ZMYM2: variants seen among roughly 807,000 people sequenced by gnomAD.
The protein encoded by ZMYM2 is zinc finger MYM-type containing 2.
In ZMYM2, 56 loss-of-function variants were observed where a neutral mutation model predicts 162.8. That is an observed-to-expected ratio of 0.34 (90% CI 0.28 to 0.43). The LOEUF is 0.43. ZMYM2 is among the 20% of genes least tolerant of loss of function. ZMYM2 has a pLI of 1.00. For missense variants in ZMYM2, 1,275 were observed against 1,621.8 expected (o/e 0.79, Z 3.67); for synonymous variants, 510 against 541.6 (o/e 0.94, Z 0.81).
chr13:19,891,813 G>A, the ZMYM2 span, among the ~76,000 whole-genome samples: 1 of 151,722 alleles, frequency 6.6e-6, no homozygotes, highest in South Asian at 2.1e-4. Flanking sequence ...TAACCCTAAG[G>A]TTATGATTTT....
intron 2 of ZMYM2, among the ~76,000 whole-genome samples, chr13:19,969,734 G>A (rs998371386): frequency 2.0e-5 from 3 of 151,670 alleles, no homozygotes; most frequent in African/African-American, 7.3e-5. Context: ...TGAATTGTAA[G>A]TGATAAGATT....
chr13:19,902,620 AAAAC>A, the ZMYM2 span, among the ~76,000 whole-genome samples: 78 of 152,286 alleles, frequency 5.1e-4, no homozygotes, highest in Non-Finnish European at 6.9e-4. Flanking sequence ...CTGTCTCAAA[AAAAC>A]AAACAAACAA....
At chr13:19,949,659 C>A in the ZMYM2 span, among the ~76,000 whole-genome samples, 1 of 151,578 alleles carries the variant, frequency 6.6e-6, no homozygotes, top group Admixed American at 6.6e-5. Flanking sequence ...GAGGCCAAGA[C>A]GGGCAGATCA....
chr13:19,964,392 AT>A (rs1175635641), intron 2 of ZMYM2, among the ~76,000 whole-genome samples: 1 of 151,974 alleles, frequency 6.6e-6, no homozygotes, highest in Non-Finnish European at 1.5e-5. Context: ...AAAAAAAAAA[AT>A]AAAGTGATTA....
chr13:19,886,162 C>CT, the ZMYM2 span, among the ~76,000 whole-genome samples: 68,990 of 98,452 alleles, frequency 0.7, 25,323 homozygotes, highest in South Asian at 0.85. Context: ...TTCTTTCTTT[C>CT]TTTTTTTTTT....
chr13:20,005,024 A>G lies in ZMYM2; in HGVS notation c.1134-50A>G, dbSNP rs761182647. The G allele has an allele frequency of 4.0e-6, 6 of 1,483,008 alleles. No individual in the cohort carries two copies. The South Asian group carries it at 7.4e-5, about 18-fold the overall frequency. 91.9% of individuals were successfully genotyped at this position (1,483,008 alleles called of 1,614,324 possible). The stretch of plus-strand genomic sequence containing the variant: ...GAAAAATGTCACTTATGACTCTTAT[A>G]TTTGATTTCTTTTAAAATGGAATTT... On this transcript the variant is annotated intron_variant, in intron 4 of 24. Coordinates refer to ENST00000610343, the MANE Select transcript of ZMYM2 (RefSeq NM_197968.4).
the ZMYM2 span, among the ~76,000 whole-genome samples, chr13:19,870,671 G>A: frequency 6.6e-6 from 1 of 151,258 alleles, no homozygotes; most frequent in Middle Eastern, 3.2e-3. Context: ...GTGGCACAGT[G>A]CACAGATCAC....
chr13:19,906,363 ATGTATATATATATG>A, the ZMYM2 span, among the ~76,000 whole-genome samples: 4 of 140,238 alleles, frequency 2.9e-5, no homozygotes, highest in African/African-American at 1.0e-4. Context: ...GTATATATAT[ATGTATATATATATG>A]TGTATATATA....
the ZMYM2 span, among the ~76,000 whole-genome samples, chr13:19,910,580 C>T: frequency 2.5e-4 from 37 of 148,888 alleles, no homozygotes; most frequent in African/African-American, 8.2e-4. Flanking sequence ...AGGCTGAGTG[C>T]AGTGGTGTGA....
chr13:19,874,237 T>G, the ZMYM2 span, among the ~76,000 whole-genome samples: 1 of 152,144 alleles, frequency 6.6e-6, no homozygotes, highest in East Asian at 1.9e-4. Context: ...TTTTTCTTTT[T>G]GAGACAGAGT....
intron 2 of ZMYM2, among the ~76,000 whole-genome samples, chr13:19,970,600 C>CAA (rs11365281): frequency 0.024 from 2,155 of 88,004 alleles, 12 homozygotes; most frequent in East Asian, 0.11. Context: ...AACCCCAAAC[C>CAA]AAAAAAAAAA....
In ZMYM2 at chr13:20,087,225, G is replaced by A. The variant is rs1958325701; in HGVS notation, c.*1211G>A. The A allele has an allele frequency of 5.4e-6, 1 of 185,160 alleles. No homozygotes were observed. Among genetic ancestry groups the A allele is most frequent in the South Asian group, 2.0e-4 (1 of 5,084 alleles). The allele number at this position is 185,160 out of a possible 1,614,324, so 11.5% of individuals were successfully genotyped here. On this transcript the variant is annotated 3_prime_UTR_variant, in exon 25 of 25. Coordinates refer to ENST00000610343, the MANE Select transcript of ZMYM2 (RefSeq NM_197968.4). ...AGTCTCAGAGGAAATCCCATTTAAT[G>A]TTAGATTGTTTGGCTTTTGAAATTA...
At chr13:20,038,238 G>A (rs1953914233) in intron 12 of ZMYM2, among the ~76,000 whole-genome samples, 1 of 152,102 alleles carries the variant, frequency 6.6e-6, no homozygotes, top group African/African-American at 2.4e-5. Context: ...TGTGAATAGT[G>A]CTGCAATGAA....
chr13:19,987,106 C>T (rs1391168414), intron 2 of ZMYM2, among the ~76,000 whole-genome samples: 7 of 87,398 alleles, frequency 8.0e-5, no homozygotes, highest in Non-Finnish European at 1.2e-4. Context: ...AGCAAGGCTC[C>T]GTCTCAAAAA....
the ZMYM2 span, among the ~76,000 whole-genome samples, chr13:19,881,442 C>T: frequency 6.6e-6 from 1 of 151,020 alleles, no homozygotes; most frequent in African/African-American, 2.4e-5. Flanking sequence ...GCCAACATGG[C>T]AAAAACCCAT....
upstream of ZMYM2, among the ~76,000 whole-genome samples, chr13:19,956,097 T>G (rs888841664): frequency 6.6e-6 from 1 of 152,224 alleles, no homozygotes; most frequent in Non-Finnish European, 1.5e-5. Flanking sequence ...TTAGAACACT[T>G]GAGTCACTCC....
the ZMYM2 span, among the ~76,000 whole-genome samples, chr13:19,911,073 A>T: frequency 1.6e-5 from 2 of 128,302 alleles, no homozygotes; most frequent in African/African-American, 5.7e-5. Context: ...TTTGAGACAG[A>T]GTCTCACTCT....
At chr13:20,083,071 A>AT (rs1463347803) in intron 23 of ZMYM2, 39 bp downstream of exon 23, 10 of 1,490,574 alleles carry the variant, frequency 6.7e-6, no homozygotes, top group East Asian at 5.0e-5. Context: ...TTATTTTTAA[A>AT]TTTTTTTTGA....
At chr13:19,932,612 C>T in the ZMYM2 span, among the ~76,000 whole-genome samples, 7,599 of 151,748 alleles carry the variant, frequency 0.05, 223 homozygotes, top group Middle Eastern at 0.092. Flanking sequence ...TAGCATTGCA[C>T]TCCAGCCTGG....
Sources: gnomAD v4.1 joint callset for allele counts (sites outside exome capture counted in the v4.1 genomes callset) on GRCh38, gnomAD v4.1.1 for gene constraint, MANE v1.5 for transcripts, NCBI Gene and HGNC (gene_info 2026-07-23, HGNC 2026-07-21) for gene names.